ARMCX4: variants seen among roughly 807,000 people sequenced by gnomAD.
ARMCX4 encodes the protein armadillo repeat-containing X-linked protein 4.
Under a neutral mutation model 34.7 loss-of-function variants are expected in ARMCX4, and 3 were observed. The ratio of observed to expected loss-of-function variants is 0.09; its 90% confidence interval spans 0.04 to 0.22. The LOEUF (loss-of-function observed/expected upper bound fraction) is 0.22. ARMCX4 is among the 10% of genes least tolerant of loss of function. ARMCX4 has a pLI of 1.00. For synonymous variants in ARMCX4, 513 were observed against 632.8 expected, an observed-to-expected ratio of 0.81 and a Z score of 2.84; for missense variants, 1,448 against 1,720.8, an observed-to-expected ratio of 0.84 and a Z score of 2.81.
At chrX:101,524,645 C>T (rs1171788289) in intron 11 of ARMCX4, among the ~76,000 whole-genome samples, 1 of 112,017 alleles carries the variant, frequency 8.9e-6, no homozygotes, top group East Asian at 2.8e-4. Flanking sequence ...GCAAACGGCA[C>T]ACCAGGAGAT....
intron 11 of ARMCX4, among the ~76,000 whole-genome samples, chrX:101,517,746 C>T (rs1426979807): frequency 3.6e-5 from 4 of 111,297 alleles, no homozygotes; most frequent in African/African-American, 1.3e-4. Flanking sequence ...GAGATTTAAT[C>T]ATGGAATTCT....
At chrX:101,534,955 T>A (rs182486355), downstream of ARMCX4, among the ~76,000 whole-genome samples, 1 of 111,961 alleles carries the variant, frequency 8.9e-6, no homozygotes, top group East Asian at 2.8e-4. Flanking sequence ...GGCATGGCAC[T>A]TAAAGACTGC....
In ARMCX4 at chrX:101,491,902, T is replaced by C. The variant is rs1933993617; in HGVS notation, c.3313T>C (p.Trp1105Arg). ...YYWNGIGVED[W>R]IAAERWIKFR... ...CTGGAATGGGATTGGTGTTGAAGAC[T>C]GGATTGCTGCTGAGCGGTGGATCAA... is the stretch of plus-strand genomic sequence containing the variant. The change falls in exon 6 of 6, where the codon TGG (tryptophan) becomes CGG (arginine). Residue 1105 changes from tryptophan to arginine, a missense_variant. By Grantham distance (101) the Trp-to-Arg change is moderately radical (BLOSUM62 -3). Coordinates refer to ENST00000423738, the MANE Select transcript of ARMCX4 (RefSeq NM_001256155.3). 8.7e-7 allele frequency: 1 copy of C among 1,155,288 alleles called. No individual in the cohort carries two copies. Among genetic ancestry groups the C allele is most frequent in the Non-Finnish European group, 1.1e-6 (1 of 872,771 alleles).
At chrX:101,527,956 A>T (rs1251344898) in intron 11 of ARMCX4, among the ~76,000 whole-genome samples, 1 of 112,225 alleles carries the variant, frequency 8.9e-6, no homozygotes, top group Admixed American at 9.4e-5. Context: ...ATAGAAAAAG[A>T]GGGAATCTTC....
chrX:101,424,929 C>T (rs1429629511), intron 2 of ARMCX4, among the ~76,000 whole-genome samples: 1 of 111,778 alleles, frequency 8.9e-6, no homozygotes, highest in Non-Finnish European at 1.9e-5. Flanking sequence ...ATCTAGAGCT[C>T]AGAAGGGGCC....
chrX:101,436,808 A>C (rs1569317224), intron 2 of ARMCX4, among the ~76,000 whole-genome samples: 2 of 111,548 alleles, frequency 1.8e-5, no homozygotes, highest in Admixed American at 1.9e-4. Flanking sequence ...TATTATTTTG[A>C]GATACGTCCC....
At chrX:101,462,576 G>A (rs1556001374) in intron 4 of ARMCX4, among the ~76,000 whole-genome samples, 1 of 104,713 alleles carries the variant, frequency 9.5e-6, no homozygotes, top group Non-Finnish European at 1.9e-5. Context: ...GGAGTTGGAG[G>A]TTGCAGTGAG....
At chrX:101,433,612 A>C (rs1930465977) in intron 2 of ARMCX4, among the ~76,000 whole-genome samples, 1 of 111,888 alleles carries the variant, frequency 8.9e-6, no homozygotes, top group Admixed American at 9.5e-5. Flanking sequence ...GTGGTGATTA[A>C]ATGAGAAAAT....
chrX:101,526,899 C>T (rs1934988355), intron 11 of ARMCX4, among the ~76,000 whole-genome samples: 1 of 111,429 alleles, frequency 9.0e-6, no homozygotes, highest in African/African-American at 3.3e-5. Flanking sequence ...TTTAACACCC[C>T]ACTGTCAACA....
At chrX:101,520,564 G>A (rs782161600) in intron 11 of ARMCX4, among the ~76,000 whole-genome samples, 1 of 112,101 alleles carries the variant, frequency 8.9e-6, no homozygotes, top group Non-Finnish European at 1.9e-5. Flanking sequence ...GGCATATTAC[G>A]TTGATTGATT....
At chrX:101,487,566 G>C (rs1853784020) in intron 3 of ARMCX4, 42 bp from the exon 4 acceptor site, 1 of 760,338 alleles carries the variant, frequency 1.3e-6, no homozygotes, top group South Asian at 2.3e-5. Context: ...TTCTACCAGG[G>C]ACTCGGTTTC....
chrX:101,524,067 A>G (rs1934912339), intron 11 of ARMCX4: 1 of 110,951 alleles, frequency 9.0e-6, no homozygotes, highest in Non-Finnish European at 1.9e-5. Flanking sequence ...AGCTGGAGCC[A>G]GGGACCTGCT....
intron 4 of ARMCX4, among the ~76,000 whole-genome samples, chrX:101,477,927 A>T (rs1301637354): frequency 8.9e-6 from 1 of 112,233 alleles, no homozygotes; most frequent in Non-Finnish European, 1.9e-5. Flanking sequence ...TTTTGTTCAA[A>T]TTAAACATCC....
intron 2 of ARMCX4, among the ~76,000 whole-genome samples, chrX:101,429,038 T>C (rs1929814396): frequency 9.1e-6 from 1 of 109,457 alleles, no homozygotes; most frequent in Non-Finnish European, 1.9e-5. Flanking sequence ...TTTTAAGTTA[T>C]TTGTAGAGAT....
chrX:101,433,196 ATATAT>A (rs1930377938), intron 2 of ARMCX4, among the ~76,000 whole-genome samples: 1 of 30,699 alleles, frequency 3.3e-5, no homozygotes, highest in Non-Finnish European at 1.1e-4. Flanking sequence ...ACACATACAC[ATATAT>A]GTGCATATAC....
chrX:101,443,325 GCTC>G (rs1319160543), intron 2 of ARMCX4, among the ~76,000 whole-genome samples: 2 of 110,496 alleles, frequency 1.8e-5, no homozygotes, highest in African/African-American at 6.6e-5. Context: ...AAGACACAGT[GCTC>G]CTCCTCTCTG....
At chrX:101,524,034 G>C (rs1934911448) in intron 11 of ARMCX4, among the ~76,000 whole-genome samples, 1 of 110,253 alleles carries the variant, frequency 9.1e-6, no homozygotes, top group South Asian at 3.9e-4. Flanking sequence ...CTCCTGGGAA[G>C]AATCCCTGAA....
chrX:101,427,093 T>C (rs1220750308), intron 2 of ARMCX4, among the ~76,000 whole-genome samples: 1 of 111,671 alleles, frequency 9.0e-6, no homozygotes, highest in African/African-American at 3.3e-5. Context: ...TCCAATTTTC[T>C]ATAGAGAGTA....
chrX:101,458,517 C>CT (rs1297100721), intron 4 of ARMCX4, among the ~76,000 whole-genome samples: 78 of 103,044 alleles, frequency 7.6e-4, no homozygotes, highest in South Asian at 2.3e-3. Context: ...TATCCCCCCC[C>CT]TTTTTTTTTT....
Sources: gnomAD v4.1 joint callset for allele counts (sites outside exome capture counted in the v4.1 genomes callset) on GRCh38, gnomAD v4.1.1 for gene constraint, MANE v1.5 for transcripts, NCBI Gene and HGNC (gene_info 2026-07-23, HGNC 2026-07-21) for gene names.